The following CLASP1 variants were observed in gnomAD, a reference collection of about 807,000 sequenced individuals.
The protein encoded by CLASP1 is cytoplasmic linker associated protein 1.
In CLASP1, 38 loss-of-function variants were observed where a neutral mutation model predicts 192.3. The ratio of observed to expected loss-of-function variants is 0.20; its 90% CI spans 0.15 to 0.26. CLASP1 has a LOEUF of 0.26. CLASP1 is among the 10% of genes least tolerant of loss of function. CLASP1 has a pLI of 1.00. For missense variants in CLASP1, 1,433 were observed against 1,932.5 expected (o/e 0.74, Z 4.85); for synonymous variants, 691 against 712.8 (o/e 0.97, Z 0.49).
At chr2:121,563,963 G>A (rs1376879456) in intron 2 of CLASP1, among the ~76,000 whole-genome samples, 1 of 152,142 alleles carries the variant, frequency 6.6e-6, no homozygotes, top group Non-Finnish European at 1.5e-5. Context: ...TACGTGGATG[G>A]CAACAGGCAA....
chr2:121,464,092 G>A lies in CLASP1; in HGVS notation c.866-1487C>T, dbSNP rs1225018259. Among the ~76,000 whole-genome samples the A allele has an allele frequency of 9.4e-5, 14 of 148,398 alleles. No individual in the cohort carries two copies. In the East Asian group the frequency reaches 1.2e-3, roughly 13 times the overall value. ...TTCCCACCTATGAGTGAGCATATGC[G>A]GTGTTTGGTTTTTTGTTCTTGCGAT... On this transcript the variant is annotated intron_variant, in intron 9 of 39. Coordinates refer to ENST00000263710, the Ensembl canonical transcript of CLASP1.
chr2:121,616,674 A>G (rs2066519387), intron 1 of CLASP1, among the ~76,000 whole-genome samples: 1 of 152,198 alleles, frequency 6.6e-6, no homozygotes, highest in African/African-American at 2.4e-5. Flanking sequence ...AACAATTACA[A>G]TATGATCGAA....
intron 2 of CLASP1, among the ~76,000 whole-genome samples, chr2:121,577,338 T>A (rs2060622011): frequency 6.6e-6 from 1 of 152,090 alleles, no homozygotes; most frequent in African/African-American, 2.4e-5. Context: ...CCTAAATCTC[T>A]ATCAATAGGA....
At chr2:121,376,754 T>C (rs756591255) in intron 34 of CLASP1, among the ~76,000 whole-genome samples, 20 of 152,230 alleles carry the variant, frequency 1.3e-4, no homozygotes, top group Non-Finnish European at 2.1e-4. Context: ...CATTACTGCC[T>C]GAGCTGTGCC....
At chr2:121,599,189 C>G (rs116208430) in intron 2 of CLASP1, among the ~76,000 whole-genome samples, 21 of 151,724 alleles carry the variant, frequency 1.4e-4, no homozygotes, top group African/African-American at 4.4e-4. Context: ...AGCCATTGAG[C>G]TGACATTCAT....
rs60345742 is a variant in CLASP1 at position 121,581,260 on chromosome 2, C to CTTTTTTTTTTTTTTTT, written c.195+24425_195+24440dup. On this transcript the variant is annotated intron_variant, in intron 2 of 39. Transcript: ENST00000263710. ...TCTGCCTCCCAAAAGGCCTTTTGTTCTTTTTTTTTTTTTTTTTTTTTTTTT... is the reference window on the plus strand; with the variant it reads ...TCTGCCTCCCAAAAGGCCTTTTGTTCTTTTTTTTTTTTTTTTTTTTTTTTTTTTTTTTTTTTTTTTT... 2.7e-3 allele frequency among the ~76,000 whole-genome samples: 157 copies of CTTTTTTTTTTTTTTTT among 57,668 alleles called. 15 individuals carry two copies. The highest frequency in any genetic ancestry group is 6.0e-3 in the African/African-American group (83 of 13,808). 37.8% of individuals were successfully genotyped at this position (57,668 alleles called of 152,430 possible).
At chr2:121,565,343 C>G (rs1028082608) in intron 2 of CLASP1, among the ~76,000 whole-genome samples, 4 of 152,184 alleles carry the variant, frequency 2.6e-5, no homozygotes, top group African/African-American at 7.2e-5. Flanking sequence ...ACTACTTTCT[C>G]CAGTAAATCA....
chr2:121,535,651 A>ATT, intron 2 of CLASP1, among the ~76,000 whole-genome samples: 1 of 146,270 alleles, frequency 6.8e-6, no homozygotes. Context: ...ATTCATTAGA[A>ATT]TTTTTTTTTT....
intron 30 of CLASP1, among the ~76,000 whole-genome samples, chr2:121,389,555 G>T (rs954581555): frequency 6.6e-6 from 1 of 151,476 alleles, no homozygotes; most frequent in Non-Finnish European, 1.5e-5. Flanking sequence ...GCCTGGAATT[G>T]TAGCAGGGAA....
rs2094151086 is a variant in CLASP1, at chr2:121,512,008, G to A, written c.644+3657C>T. Among the ~76,000 whole-genome samples the A allele has an allele frequency of 2.0e-5, 3 of 152,146 alleles. No individual in the cohort carries two copies. In the South Asian group the frequency reaches 6.2e-4, roughly 32 times the overall value. On this transcript the variant is annotated intron_variant, in intron 7 of 39. Coordinates refer to ENST00000263710, the Ensembl canonical transcript of CLASP1. ...CAATCATTAAGTAATAAAACCTGAT[G>A]AATGTTTATAAATTTTAAAATAGAT...
At chr2:121,372,691 T>C (rs1427682501) in intron 34 of CLASP1, among the ~76,000 whole-genome samples, 1 of 152,228 alleles carries the variant, frequency 6.6e-6, no homozygotes, top group Non-Finnish European at 1.5e-5. Context: ...TCCTTCTGAA[T>C]TATTCTCCAT....
intron 8 of CLASP1, among the ~76,000 whole-genome samples, chr2:121,477,294 T>C (rs1244917691): frequency 1.3e-5 from 2 of 152,230 alleles, no homozygotes; most frequent in African/African-American, 4.8e-5. Context: ...ATATCTTTTT[T>C]AGAAGCTTTT....
chr2:121,461,272 A>T (rs1056755852), intron 10 of CLASP1, 79 bp from the exon 11 acceptor site: 3 of 743,244 alleles, frequency 4.0e-6, no homozygotes, highest in African/African-American at 3.6e-5. Context: ...TGAAGTCAAG[A>T]ACATTAAGTA....
At chr2:121,352,778 C>T (rs1360149203) in intron 37 of CLASP1, among the ~76,000 whole-genome samples, 2 of 152,136 alleles carry the variant, frequency 1.3e-5, no homozygotes, top group Admixed American at 6.5e-5. Context: ...CTCAGCCTCC[C>T]AAGTAGCTGG....
chr2:121,534,871 CA>C (rs1431545478), intron 2 of CLASP1, among the ~76,000 whole-genome samples: 1 of 152,036 alleles, frequency 6.6e-6, no homozygotes, highest in Non-Finnish European at 1.5e-5. Flanking sequence ...GAAACACAAC[CA>C]AAGATAACCA....
At chr2:121,341,252 C>T (rs1411534044) in intron 39 of CLASP1, among the ~76,000 whole-genome samples, 3 of 152,112 alleles carry the variant, frequency 2.0e-5, no homozygotes, top group East Asian at 1.9e-4. Flanking sequence ...GGAAGGGATA[C>T]GGGGGCAGGG....
chr2:121,532,443 A>T (rs369976064), intron 2 of CLASP1: 109 of 152,366 alleles, frequency 7.2e-4, no homozygotes, highest in African/African-American at 2.5e-3. Context: ...CCTCAGCCAG[A>T]TGGTGGAGGT....
At chr2:121,347,142 T>C in exon 39 of CLASP1, 1 of 1,573,618 alleles carries the variant, frequency 6.4e-7, no homozygotes, top group Non-Finnish European at 8.6e-7. Flanking sequence ...CTACTTTCGG[T>C]GTTGTCATAA....
chr2:121,438,967 T>C (rs1198100583), intron 19 of CLASP1, among the ~76,000 whole-genome samples: 4 of 150,606 alleles, frequency 2.7e-5, no homozygotes, highest in Non-Finnish European at 4.4e-5. Context: ...TCCTGGACTC[T>C]TTTTGGTTGG....
Sources: gnomAD v4.1 joint callset for allele counts (sites outside exome capture counted in the v4.1 genomes callset) on GRCh38, gnomAD v4.1.1 for gene constraint, MANE v1.5 for transcripts, NCBI Gene and HGNC (gene_info 2026-07-23, HGNC 2026-07-21) for gene names.